The following ADARB2 variants were observed in gnomAD, a reference collection of about 807,000 sequenced individuals.
ADARB2 encodes the protein adenosine deaminase RNA specific B2 (inactive).
In ADARB2, 25 loss-of-function variants were observed where a neutral mutation model predicts 62.2. That is an observed-to-expected ratio of 0.40 (90% CI 0.29 to 0.56). The LOEUF (loss-of-function observed/expected upper bound fraction) is 0.56. Ranked by LOEUF, ADARB2 falls within the 20% of genes least tolerant of loss-of-function variation. ADARB2 has a pLI of 0.43. For missense variants in ADARB2, 1,071 were observed against 1,077.4 expected, an observed-to-expected ratio of 0.99 and a Z score of 0.08; for synonymous variants, 572 against 500.8, an observed-to-expected ratio of 1.14 and a Z score of -1.90.
Position 1,554,600 on chromosome 10 carries a change from C to T in ADARB2, c.101-175440G>A, listed in dbSNP as rs140645243. ...GCTTCCCTTCATTCTCCTGCTTTCC[C>T]CACAGCCCCCAACGGTACTTCAGTT... On this transcript the variant is annotated intron_variant, in intron 1 of 9. Coordinates refer to ENST00000381312, the MANE Select transcript of ADARB2 (RefSeq NM_018702.4). Among the ~76,000 whole-genome samples the T allele has an allele frequency of 7.7e-3, 1,170 of 152,284 alleles. 9 individuals carry two copies. Among genetic ancestry groups the T allele is most frequent in the Middle Eastern group, 0.014 (4 of 294 alleles).
intron 1 of ADARB2, among the ~76,000 whole-genome samples, chr10:1,729,803 G>A (rs1835210215): frequency 6.6e-6 from 1 of 152,170 alleles, no homozygotes; most frequent in Admixed American, 6.5e-5. Context: ...GGAGGCTCCA[G>A]TTTCTGAGAA....
intron 1 of ADARB2, among the ~76,000 whole-genome samples, chr10:1,643,849 G>A (rs764968030): frequency 2.0e-5 from 3 of 152,068 alleles, no homozygotes; most frequent in Admixed American, 6.5e-5. Flanking sequence ...TGGAGCCTGC[G>A]GAGTGACAGT....
At chr10:1,478,440 A>T (rs1208216236) in intron 1 of ADARB2, among the ~76,000 whole-genome samples, 1 of 152,210 alleles carries the variant, frequency 6.6e-6, no homozygotes, top group East Asian at 1.9e-4. Flanking sequence ...CCCTGGGTCC[A>T]ACTCTTAAAT....
At chr10:1,630,923 C>A (rs1355723386) in intron 1 of ADARB2, among the ~76,000 whole-genome samples, 2 of 151,944 alleles carry the variant, frequency 1.3e-5, no homozygotes, top group African/African-American at 2.4e-5. Context: ...CCATTGCACT[C>A]CAGCCTGGGT....
chr10:1,364,092 C>T (rs1292960379), intron 2 of ADARB2, among the ~76,000 whole-genome samples, 175 bp from the exon 3 acceptor site: 1 of 152,238 alleles, frequency 6.6e-6, no homozygotes, highest in African/African-American at 2.4e-5. Context: ...GCCTATGGCC[C>T]ATGCGGGGAA....
At chr10:1,209,505 ACACTGTCACCCATGCCC>A (rs1837117971) in intron 7 of ADARB2, among the ~76,000 whole-genome samples, 1 of 121,080 alleles carries the variant, frequency 8.3e-6, no homozygotes, top group African/African-American at 3.0e-5. Context: ...GCCCATGCCT[ACACTGTCACCCATGCCC>A]ACACCTACAG....
At chr10:1,692,801 A>G (rs1834690051) in intron 1 of ADARB2, among the ~76,000 whole-genome samples, 2 of 152,224 alleles carry the variant, frequency 1.3e-5, no homozygotes, top group African/African-American at 4.8e-5. Flanking sequence ...AACGGTCAAA[A>G]TATGTGCTAA....
intron 1 of ADARB2, among the ~76,000 whole-genome samples, chr10:1,406,136 T>C (rs997070140): frequency 1.3e-5 from 2 of 152,212 alleles, no homozygotes; most frequent in East Asian, 3.8e-4. Context: ...TCTCCAGCCA[T>C]GGTGGAGGTG....
chr10:1,569,276 C>G (rs7080239), intron 1 of ADARB2, among the ~76,000 whole-genome samples: 6,189 of 151,906 alleles, frequency 0.041, 412 homozygotes, highest in African/African-American at 0.14. Context: ...GAGAGAGAGA[C>G]AGAGAGAGAG....
chr10:1,512,202 G>A (rs994964891), intron 1 of ADARB2, among the ~76,000 whole-genome samples: 1 of 151,652 alleles, frequency 6.6e-6, no homozygotes, highest in Non-Finnish European at 1.5e-5. Flanking sequence ...ACCAACATAT[G>A]GATGGTGTCT....
At chr10:1,247,774 C>G (rs1831000445) in intron 4 of ADARB2, among the ~76,000 whole-genome samples, 1 of 152,206 alleles carries the variant, frequency 6.6e-6, no homozygotes, top group African/African-American at 2.4e-5. Context: ...CATGGCGGGA[C>G]CACAGGCAGG....
At chr10:1,541,478 A>G (rs61831937) in intron 1 of ADARB2, among the ~76,000 whole-genome samples, 186 of 53,210 alleles carry the variant, frequency 3.5e-3, no homozygotes, top group Non-Finnish European at 4.5e-3. Context: ...GACGCAGTTC[A>G]GACCCTGGAT....
At chr10:1,487,504 C>G (rs541007211) in intron 1 of ADARB2, among the ~76,000 whole-genome samples, 1 of 152,184 alleles carries the variant, frequency 6.6e-6, no homozygotes, top group Non-Finnish European at 1.5e-5. Flanking sequence ...CTGCCCTGAC[C>G]TGCTCCCGGC....
intron 3 of ADARB2, 28 bp from the exon 4 acceptor site, chr10:1,271,097 G>C: frequency 6.3e-7 from 1 of 1,592,802 alleles, no homozygotes; most frequent in Non-Finnish European, 8.6e-7. Context: ...AGGCCTCCAC[G>C]TTGGGCTGAG....
chr10:1,695,781 T>C (rs1183946196), intron 1 of ADARB2, among the ~76,000 whole-genome samples: 2 of 152,182 alleles, frequency 1.3e-5, no homozygotes, highest in African/African-American at 2.4e-5. Flanking sequence ...TGTCTGTGCA[T>C]ACACATGGGT....
At chr10:1,651,337 A>G (rs1834106578) in intron 1 of ADARB2, among the ~76,000 whole-genome samples, 1 of 152,234 alleles carries the variant, frequency 6.6e-6, no homozygotes, top group Non-Finnish European at 1.5e-5. Flanking sequence ...AAGGTCTCCA[A>G]GGTTGGCCCT....
intron 1 of ADARB2, among the ~76,000 whole-genome samples, chr10:1,564,476 C>A (rs1205654670): frequency 6.6e-6 from 1 of 152,014 alleles, no homozygotes; most frequent in Non-Finnish European, 1.5e-5. Context: ...AACAGGCAAC[C>A]TACAAAATGG....
At chr10:1,553,042 T>C (rs1460660748) in intron 1 of ADARB2, among the ~76,000 whole-genome samples, 2 of 152,196 alleles carry the variant, frequency 1.3e-5, no homozygotes, top group Non-Finnish European at 2.9e-5. Context: ...GGGAGAGCAG[T>C]GTCACCCGCA....
At chr10:1,510,110 C>CTCTTTTTCTTTCTTTCTTTCTTTCTT (rs1831908783) in intron 1 of ADARB2, among the ~76,000 whole-genome samples, 1 of 106,184 alleles carries the variant, frequency 9.4e-6, no homozygotes, top group Admixed American at 1.1e-4. Context: ...CTTTCTTTCT[C>CTCTTTTTCTTTCTTTCTTTCTTTCTT]TCTTTCTTTC....
Sources: gnomAD v4.1 joint callset for allele counts (sites outside exome capture counted in the v4.1 genomes callset) on GRCh38, gnomAD v4.1.1 for gene constraint, MANE v1.5 for transcripts, NCBI Gene and HGNC (gene_info 2026-07-23, HGNC 2026-07-21) for gene names.